Variants in CDKL1 observed in about 807,000 individuals in gnomAD.
CDKL1 encodes the protein cyclin-dependent kinase-like 1.
Under a neutral mutation model 42.0 loss-of-function variants are expected in CDKL1, and 41 were observed. The ratio of observed to expected loss-of-function variants is 0.98; its 90% CI spans 0.76 to 1.27. CDKL1 has a LOEUF of 1.27. CDKL1 is among the 50% of genes most tolerant of loss of function. The probability of loss-of-function intolerance (pLI) is 0.00; values close to 1 mark genes in which losing one functional copy is unlikely to be tolerated. For missense variants in CDKL1, 394 were observed against 428.4 expected (o/e 0.92, Z 0.71); for synonymous variants, 153 against 158.6 (o/e 0.96, Z 0.26).
rs1455027952 is a variant in CDKL1 at position 50,328,044 on chromosome 14, A to C, written c.*2030T>G. The C allele has an allele frequency of 3.3e-5, 5 of 152,172 alleles. No homozygotes were observed. The highest frequency in any genetic ancestry group is 7.3e-5 in the Non-Finnish European group (5 of 68,042). The allele number at this position is 152,172 out of a possible 1,614,324, so 9.4% of individuals were successfully genotyped here. ...TAAATTTAACGGAACTCATTAGAAA[A>C]AAATAAGCCTTTTTTCTCAGGTTTG... On this transcript the variant is annotated 3_prime_UTR_variant, in exon 10 of 10. Transcript: ENST00000395834.
At chr14:50,340,524 A>G (rs1052409566) in intron 6 of CDKL1, among the ~76,000 whole-genome samples, 1 of 152,052 alleles carries the variant, frequency 6.6e-6, no homozygotes, top group Non-Finnish European at 1.5e-5. Context: ...GAGAGAAAGG[A>G]AAGGGCACTG....
At chr14:50,338,301 C>T (rs1373024647) in intron 7 of CDKL1, among the ~76,000 whole-genome samples, 3 of 151,972 alleles carry the variant, frequency 2.0e-5, no homozygotes, top group African/African-American at 4.8e-5. Context: ...AATATCGGCT[C>T]ACTGCAACCT....
chr14:50,394,709 C>T (rs987214898), intron 2 of CDKL1, among the ~76,000 whole-genome samples: 1 of 152,168 alleles, frequency 6.6e-6, no homozygotes, highest in Non-Finnish European at 1.5e-5. Context: ...TTTCACATTG[C>T]GATTTGGATT....
intron 2 of CDKL1, among the ~76,000 whole-genome samples, chr14:50,385,269 C>A (rs1317237269): frequency 6.6e-6 from 1 of 151,894 alleles, no homozygotes; most frequent in Admixed American, 6.6e-5. Context: ...AATTAGGGGA[C>A]AAAAATGACA....
At chr14:50,371,158 G>C (rs1240785357) in intron 2 of CDKL1, among the ~76,000 whole-genome samples, 1 of 152,082 alleles carries the variant, frequency 6.6e-6, no homozygotes, top group East Asian at 1.9e-4. Flanking sequence ...ATCCACTGAT[G>C]GCCACTTAGG....
chr14:50,330,257 AGAG>A lies in CDKL1; in HGVS notation c.967-79_967-77del, dbSNP rs2032864507. The A allele has an allele frequency of 4.6e-6, 7 of 1,522,242 alleles. No individual in the cohort carries two copies. In the Middle Eastern group the frequency reaches 6.8e-4, roughly 148 times the overall value. The allele number at this position is 1,522,242 out of a possible 1,614,324, so 94.3% of individuals were successfully genotyped here. ...TTCATTATTTAGAATATATCACAAAAGAGGTAATTAAGCTTTTTAGTATAGAAG... is the reference window on the plus strand; with the variant it reads ...TTCATTATTTAGAATATATCACAAAAGTAATTAAGCTTTTTAGTATAGAAG... On this transcript the variant is annotated intron_variant, in intron 9 of 9. Coordinates refer to ENST00000395834, the MANE Select transcript of CDKL1 (RefSeq NM_004196.7).
chr14:50,348,368 G>C (rs943053236), intron 3 of CDKL1, among the ~76,000 whole-genome samples: 1 of 152,224 alleles, frequency 6.6e-6, no homozygotes, highest in African/African-American at 2.4e-5. Context: ...TGGGCAGAAG[G>C]CTGGAGCTTT....
intron 2 of CDKL1, among the ~76,000 whole-genome samples, chr14:50,373,205 G>T (rs2034636892): frequency 6.6e-6 from 1 of 151,932 alleles, no homozygotes; most frequent in Non-Finnish European, 1.5e-5. Context: ...TAATTGCCTG[G>T]GAAATATTTG....
intron 7 of CDKL1, among the ~76,000 whole-genome samples, chr14:50,338,639 G>T (rs2049724118): frequency 6.6e-6 from 1 of 152,112 alleles, no homozygotes; most frequent in African/African-American, 2.4e-5. Flanking sequence ...ACCTTGATAG[G>T]TCTAGGTCTA....
In CDKL1 at chr14:50,336,254, G is replaced by C. The variant is rs10136242; in HGVS notation, c.739-1633C>G. 54 of 1,272,412 alleles carry C rather than the reference G, an allele frequency of 4.2e-5. No individual in the cohort carries two copies. In the African/African-American group the frequency reaches 7.9e-4, roughly 19 times the overall value. The allele number at this position is 1,272,412 out of a possible 1,614,324, so 78.8% of individuals were successfully genotyped here. A position where few individuals can be genotyped will look rare whatever the true frequency, so the allele number is the denominator to read the frequency against. ...CAGATGTTCAACCAGTGCAGCCCCC[G>C]CACTGCCTCTTCCTGTGTTTCTGTC... is the stretch of plus-strand genomic sequence containing the variant. On this transcript the variant is annotated intron_variant, in intron 7 of 9. Transcript: ENST00000395834.
At chr14:50,337,326 G>A (rs1303750815) in intron 7 of CDKL1, among the ~76,000 whole-genome samples, 6 of 145,230 alleles carry the variant, frequency 4.1e-5, no homozygotes, top group Admixed American at 6.9e-5. Context: ...TTTTATAACC[G>A]TCTTTTTTTT....
chr14:50,385,972 T>C (rs186338572), intron 2 of CDKL1, among the ~76,000 whole-genome samples: 1 of 152,158 alleles, frequency 6.6e-6, no homozygotes, highest in African/African-American at 2.4e-5. Context: ...TATTAGATAA[T>C]AGTATTGAGT....
intron 2 of CDKL1, among the ~76,000 whole-genome samples, chr14:50,381,012 A>G (rs1052680177): frequency 2.0e-5 from 3 of 152,090 alleles, no homozygotes; most frequent in African/African-American, 7.2e-5. Flanking sequence ...ATCCCCTACC[A>G]TTTAAAAAAG....
intron 9 of CDKL1, chr14:50,331,811 C>T (rs1204763729): frequency 3.5e-6 from 2 of 565,778 alleles, no homozygotes; most frequent in African/African-American, 3.7e-5. Flanking sequence ...AAGCACTCAT[C>T]ACTGTATTTG....
At chr14:50,374,323 T>C (rs1264236749) in intron 2 of CDKL1, among the ~76,000 whole-genome samples, 2 of 152,230 alleles carry the variant, frequency 1.3e-5, no homozygotes, top group African/African-American at 4.8e-5. Flanking sequence ...AGTGAAACTA[T>C]TCTATATGAT....
intron 4 of CDKL1, chr14:50,343,136 A>G (rs919640013): frequency 1.1e-5 from 9 of 832,170 alleles, no homozygotes; most frequent in Non-Finnish European, 1.3e-5. Context: ...GAACAAATCA[A>G]CAACCTAATT....
intron 2 of CDKL1, among the ~76,000 whole-genome samples, chr14:50,382,016 A>G (rs1385085978): frequency 1.3e-5 from 2 of 152,204 alleles, no homozygotes; most frequent in African/African-American, 4.8e-5. Flanking sequence ...CAACCAGGCA[A>G]TTTTACCCAA....
chr14:50,367,065 T>C (rs747086784), intron 2 of CDKL1, among the ~76,000 whole-genome samples: 3 of 152,016 alleles, frequency 2.0e-5, no homozygotes, highest in African/African-American at 4.8e-5. Context: ...GAGAAAGCTG[T>C]CTAAAGAACC....
Position 50,378,075 on chromosome 14 carries a change from C to T in CDKL1, c.168+17626G>A, listed in dbSNP as rs145199475. 565 of 1,098,530 alleles carry T rather than the reference C, an allele frequency of 5.1e-4. 1 individual carries two copies. The African/African-American group carries it at 7.3e-3, about 14-fold the overall frequency. The allele number at this position is 1,098,530 out of a possible 1,614,324, so 68.0% of individuals were successfully genotyped here. A position where few individuals can be genotyped will look rare whatever the true frequency, so the allele number is the denominator to read the frequency against. On this transcript the variant is annotated intron_variant, in intron 2 of 9. Transcript: ENST00000395834. The stretch of plus-strand genomic sequence containing the variant: ...CTGAGATCTAGGATAGGGACATCTA[C>T]GAGAAAGAGCCTGAGAATCTGAAAT...
Sources: gnomAD v4.1 joint callset for allele counts (sites outside exome capture counted in the v4.1 genomes callset) on GRCh38, gnomAD v4.1.1 for gene constraint, MANE v1.5 for transcripts, NCBI Gene and HGNC (gene_info 2026-07-23, HGNC 2026-07-21) for gene names.